The following HS3ST4 variants were observed in gnomAD, a reference collection of about 807,000 sequenced individuals.
HS3ST4 encodes heparan sulfate-glucosamine 3-sulfotransferase 4, also known as heparan sulfate glucosamine 3-O-sulfotransferase 4.
HS3ST4 carries 17 observed loss-of-function variants against 29.2 expected under a neutral mutation model. The ratio of observed to expected loss-of-function variants is 0.58; its 90% CI spans 0.40 to 0.87. The LOEUF (loss-of-function observed/expected upper bound fraction) is 0.87. HS3ST4 is among the 40% of genes least tolerant of loss of function. The probability of loss-of-function intolerance (pLI) is 0.00; values close to 1 mark genes in which losing one functional copy is unlikely to be tolerated. For synonymous variants in HS3ST4, 314 were observed against 285.7 expected (o/e 1.10, Z -1.00); for missense variants, 627 against 634.5 (o/e 0.99, Z 0.13).
chr16:25,767,538 G>A (rs574765755), intron 1 of HS3ST4, among the ~76,000 whole-genome samples: 1 of 152,168 alleles, frequency 6.6e-6, no homozygotes, highest in Admixed American at 6.5e-5. Context: ...ATATTTTTGT[G>A]TAATACTTTC....
intron 1 of HS3ST4, among the ~76,000 whole-genome samples, chr16:25,938,581 T>A (rs1271865040): frequency 6.6e-6 from 1 of 151,948 alleles, no homozygotes; most frequent in African/African-American, 2.4e-5. Flanking sequence ...CCCAAGGTTT[T>A]ATCTATGGTA....
rs150442582 is a variant in HS3ST4 at position 25,966,775 on chromosome 16, G to A, written c.735-168837G>A. 4.8e-3 allele frequency among the ~76,000 whole-genome samples: 735 copies of A among 152,286 alleles called. 6 individuals carry two copies. The highest frequency in any genetic ancestry group is 0.017 in the African/African-American group (699 of 41,550). ...ACTTAATGTTTGATGGTCGTGGTGG[G>A]CAGTGGAGATGGGAGATATGCCTGG... is the stretch of plus-strand genomic sequence containing the variant. On this transcript the variant is annotated intron_variant, in intron 1 of 1. Coordinates refer to ENST00000331351, the MANE Select transcript of HS3ST4 (RefSeq NM_006040.3).
intron 1 of HS3ST4, among the ~76,000 whole-genome samples, chr16:25,723,419 A>G (rs1966510167): frequency 1.3e-5 from 2 of 152,178 alleles, no homozygotes; most frequent in African/African-American, 2.4e-5. Context: ...CCAAGCAACC[A>G]TATTTATCTA....
At position 26,017,100 on chromosome 16, in the gene HS3ST4, T is replaced by C. The variant is rs151098482; in HGVS notation, c.735-118512T>C. On this transcript the variant is annotated intron_variant, in intron 1 of 1. Transcript: ENST00000331351. ...GTGGCACGAACAATAAACAAACACT[T>C]GCATTCAGCAACTGACACTTACGCA... is the stretch of plus-strand genomic sequence containing the variant. 4.6e-5 allele frequency among the ~76,000 whole-genome samples: 7 copies of C among 152,332 alleles called. No individual in the cohort carries two copies. In the East Asian group the frequency reaches 1.2e-3, roughly 25 times the overall value.
Position 26,120,071 on chromosome 16 carries a change from A to ATG in HS3ST4, c.735-15521_735-15520dup, listed in dbSNP as rs59962417. Among the ~76,000 whole-genome samples the ATG allele has an allele frequency of 1.4e-3, 193 of 135,276 alleles. 1 individual carries two copies. The highest frequency in any genetic ancestry group is 2.4e-3 in the Non-Finnish European group (147 of 60,142). 88.7% of individuals were successfully genotyped at this position (135,276 alleles called of 152,430 possible). A position where few individuals can be genotyped will look rare whatever the true frequency, so the allele number is the denominator to read the frequency against. On this transcript the variant is annotated intron_variant, in intron 1 of 1. Coordinates refer to ENST00000331351, the MANE Select transcript of HS3ST4 (RefSeq NM_006040.3). ...GAAGGAAGTGTGTGTGTGTGTGTGT[A>ATG]TGTGTGTGTGTGTGTGTGTGTATAT... is the stretch of plus-strand genomic sequence containing the variant.
chr16:25,837,389 AATG>A (rs1209329292), intron 1 of HS3ST4, among the ~76,000 whole-genome samples: 1 of 152,204 alleles, frequency 6.6e-6, no homozygotes, highest in Non-Finnish European at 1.5e-5. Flanking sequence ...ATGTGAAAAA[AATG>A]ATGAGGATTA....
At chr16:26,083,061 A>C (rs1190666842) in intron 1 of HS3ST4, among the ~76,000 whole-genome samples, 1 of 152,198 alleles carries the variant, frequency 6.6e-6, no homozygotes, top group African/African-American at 2.4e-5. Flanking sequence ...TTCAAGGCCA[A>C]GGTGCCATGT....
At chr16:25,798,082 C>T (rs1234962652) in intron 1 of HS3ST4, among the ~76,000 whole-genome samples, 2 of 152,078 alleles carry the variant, frequency 1.3e-5, no homozygotes, top group East Asian at 3.9e-4. Context: ...CAGAGAGGGA[C>T]CAGTGAGTTA....
intron 1 of HS3ST4, among the ~76,000 whole-genome samples, chr16:26,023,253 G>A (rs1969432864): frequency 6.6e-6 from 1 of 151,722 alleles, no homozygotes; most frequent in Non-Finnish European, 1.5e-5. Flanking sequence ...ATTTTTATCT[G>A]TAGGTATAAG....
At chr16:26,109,718 GT>G (rs56102785) in intron 1 of HS3ST4, among the ~76,000 whole-genome samples, 16,503 of 147,114 alleles carry the variant, frequency 0.11, 955 homozygotes, top group Admixed American at 0.18. Flanking sequence ...TATACTCACT[GT>G]TTTTTTTTTT....
chr16:26,051,896 CCCTCCCT>C, intron 1 of HS3ST4, among the ~76,000 whole-genome samples: 1 of 125,468 alleles, frequency 8.0e-6, no homozygotes, highest in African/African-American at 3.1e-5. Context: ...CTCCCTCCCT[CCCTCCCT>C]CCCTCCCTCC....
intron 1 of HS3ST4, among the ~76,000 whole-genome samples, chr16:25,819,668 C>G (rs1359215247): frequency 6.6e-6 from 1 of 152,032 alleles, no homozygotes; most frequent in Non-Finnish European, 1.5e-5. Flanking sequence ...GACAAAGACT[C>G]TTTAATAGCG....
At chr16:25,991,701 T>C (rs1286209825) in intron 1 of HS3ST4, among the ~76,000 whole-genome samples, 1 of 152,168 alleles carries the variant, frequency 6.6e-6, no homozygotes, top group Non-Finnish European at 1.5e-5. Context: ...TGGCTAAAAT[T>C]ATGTCCATTA....
intron 1 of HS3ST4, among the ~76,000 whole-genome samples, chr16:25,911,228 C>T (rs1452173519): frequency 6.6e-6 from 1 of 152,072 alleles, no homozygotes; most frequent in East Asian, 1.9e-4. Context: ...CCTGATATTA[C>T]CTTAAGCTGT....
intron 1 of HS3ST4, among the ~76,000 whole-genome samples, chr16:25,747,036 T>A (rs1567231951): frequency 6.6e-6 from 1 of 152,140 alleles, no homozygotes; most frequent in Non-Finnish European, 1.5e-5. Flanking sequence ...AATTTTAATT[T>A]TCTGTAGAGA....
At chr16:25,993,268 G>A (rs981313075) in intron 1 of HS3ST4, among the ~76,000 whole-genome samples, 1 of 152,100 alleles carries the variant, frequency 6.6e-6, no homozygotes, top group African/African-American at 2.4e-5. Flanking sequence ...TGTTATTCAG[G>A]GTTTCTGGGC....
chr16:25,997,860 G>A (rs1262286769), intron 1 of HS3ST4, among the ~76,000 whole-genome samples: 2 of 152,150 alleles, frequency 1.3e-5, no homozygotes, highest in Admixed American at 6.6e-5. Context: ...CTAAAGAATA[G>A]GGATAGGCAA....
intron 1 of HS3ST4, among the ~76,000 whole-genome samples, chr16:25,867,625 A>G (rs189143293): frequency 6.6e-6 from 1 of 152,258 alleles, no homozygotes; most frequent in Non-Finnish European, 1.5e-5. Context: ...CAATACATAC[A>G]AGGCTAGTGA....
intron 1 of HS3ST4, among the ~76,000 whole-genome samples, chr16:25,915,007 C>T (rs747580489): frequency 6.6e-6 from 1 of 152,084 alleles, no homozygotes; most frequent in Non-Finnish European, 1.5e-5. Context: ...ATGCGGGCTG[C>T]GCTGTGCATT....
Sources: gnomAD v4.1 joint callset for allele counts (sites outside exome capture counted in the v4.1 genomes callset) on GRCh38, gnomAD v4.1.1 for gene constraint, MANE v1.5 for transcripts, NCBI Gene and HGNC (gene_info 2026-07-23, HGNC 2026-07-21) for gene names.